CSNK1G1: variants seen among roughly 807,000 people sequenced by gnomAD.
The protein encoded by CSNK1G1 is casein kinase I isoform gamma-1.
CSNK1G1 carries 22 observed loss-of-function variants against 59.6 expected under a neutral mutation model. The ratio of observed to expected loss-of-function variants is 0.37; its 90% CI spans 0.26 to 0.53. The LOEUF (loss-of-function observed/expected upper bound fraction) is 0.53. Among genes scored for constraint, CSNK1G1 ranks in the 20% least tolerant of loss-of-function variants. The pLI is 0.89. For missense variants in CSNK1G1, 384 were observed against 519.5 expected (o/e 0.74, Z 2.54); for synonymous variants, 179 against 177.1 (o/e 1.01, Z -0.08).
At chr15:64,203,785 C>T (rs1207349013) in intron 9 of CSNK1G1, among the ~76,000 whole-genome samples, 1 of 151,586 alleles carries the variant, frequency 6.6e-6, no homozygotes, top group African/African-American at 2.4e-5. Context: ...TCAAAAGCTT[C>T]CTATGATGCT....
intron 6 of CSNK1G1, among the ~76,000 whole-genome samples, chr15:64,211,162 C>T (rs1355804487): frequency 6.6e-6 from 1 of 152,198 alleles, no homozygotes; most frequent in East Asian, 1.9e-4. Context: ...AGTGTGGCTA[C>T]TCTGATGTGG....
At chr15:64,246,426 A>T (rs1341907818) in intron 4 of CSNK1G1, among the ~76,000 whole-genome samples, 1 of 152,150 alleles carries the variant, frequency 6.6e-6, no homozygotes, top group Non-Finnish European at 1.5e-5. Flanking sequence ...GTTCAAGACC[A>T]GCCTGGTCAA....
At chr15:64,313,963 C>T (rs1047246718) in intron 1 of CSNK1G1, among the ~76,000 whole-genome samples, 1 of 151,858 alleles carries the variant, frequency 6.6e-6, no homozygotes, top group African/African-American at 2.4e-5. Context: ...GTGAACTTGA[C>T]ATATACAGCT....
At chr15:64,337,501 T>C (rs923939021) in intron 1 of CSNK1G1, among the ~76,000 whole-genome samples, 3 of 152,052 alleles carry the variant, frequency 2.0e-5, no homozygotes, top group Admixed American at 1.3e-4. Flanking sequence ...GGTACCACCA[T>C]GCCTATTTTA....
intron 4 of CSNK1G1, among the ~76,000 whole-genome samples, chr15:64,224,714 G>T (rs2082433883): frequency 6.6e-6 from 1 of 152,132 alleles, no homozygotes; most frequent in African/African-American, 2.4e-5. Context: ...TTGTTTAAAG[G>T]CCTCCTGGGA....
At chr15:64,241,033 T>C (rs147148817) in intron 4 of CSNK1G1, among the ~76,000 whole-genome samples, 14 of 152,278 alleles carry the variant, frequency 9.2e-5, no homozygotes, top group Non-Finnish European at 1.8e-4. Context: ...AAAATAGCCT[T>C]GAATATAAAC....
At chr15:64,311,263 C>A (rs1895981736) in intron 1 of CSNK1G1, among the ~76,000 whole-genome samples, 1 of 151,428 alleles carries the variant, frequency 6.6e-6, no homozygotes. Flanking sequence ...CCAGGTTAGT[C>A]GCGAACTCCT....
chr15:64,166,237 C>A lies in CSNK1G1; in HGVS notation c.*5694G>T. 2.4e-6 allele frequency: 1 copy of A among 411,394 alleles called. No homozygotes were observed. Among genetic ancestry groups the A allele is most frequent in the Non-Finnish European group, 4.3e-6 (1 of 233,676 alleles). The allele number at this position is 411,394 out of a possible 1,614,324, so 25.5% of individuals were successfully genotyped here. A position where few individuals can be genotyped will look rare whatever the true frequency, so the allele number is the denominator to read the frequency against. On this transcript the variant is annotated 3_prime_UTR_variant, in exon 12 of 12. Transcript: ENST00000303052. This position sits in a 1 kb window ranked among gnomAD's most constrained non-coding sequence, Gnocchi z 4.5. ...TTTTAAGAGTACAATGGGCAAAGAT[C>A]AAAGACAGATAAATAATAATATAAT...
chr15:64,320,103 C>T (rs948467034), intron 1 of CSNK1G1, among the ~76,000 whole-genome samples: 9 of 151,714 alleles, frequency 5.9e-5, no homozygotes, highest in African/African-American at 2.2e-4. Context: ...GACAGAGTCT[C>T]ACCATGTTTC....
intron 10 of CSNK1G1, among the ~76,000 whole-genome samples, chr15:64,190,913 A>T (rs888278848): frequency 6.6e-6 from 1 of 152,180 alleles, no homozygotes; most frequent in African/African-American, 2.4e-5. Flanking sequence ...TTAAGCTCTT[A>T]AACTATTATA....
At chr15:64,272,292 T>C (rs1893356797) in intron 2 of CSNK1G1, among the ~76,000 whole-genome samples, 1 of 151,920 alleles carries the variant, frequency 6.6e-6, no homozygotes, top group African/African-American at 2.4e-5. Flanking sequence ...CTCGGCTCAC[T>C]GCAAGCTCTG....
chr15:64,278,200 C>G (rs994189307), intron 2 of CSNK1G1, among the ~76,000 whole-genome samples: 1 of 150,866 alleles, frequency 6.6e-6, no homozygotes, highest in African/African-American at 2.4e-5. Flanking sequence ...GTGCCCACCA[C>G]CACTCTTGGC....
chr15:64,239,295 A>G lies in CSNK1G1; in HGVS notation c.292+12217T>C, dbSNP rs1234394984. ...CATAACTCTTTAGTAATAGACCCCA[A>G]TGAAAAGAAATTTTAAAACTGCTGG... On this transcript the variant is annotated intron_variant, in intron 4 of 11. Transcript: ENST00000303052. Among the ~76,000 whole-genome samples, 3 of 152,196 alleles carry G rather than the reference A, an allele frequency of 2.0e-5. No individual in the cohort carries two copies. The South Asian group carries it at 6.2e-4, about 32-fold the overall frequency.
intron 2 of CSNK1G1, among the ~76,000 whole-genome samples, chr15:64,266,835 A>G (rs72756971): frequency 1.3e-5 from 2 of 152,210 alleles, no homozygotes; most frequent in African/African-American, 4.8e-5. Flanking sequence ...GTAGACCCTT[A>G]TCTCTCACCT....
chr15:64,290,316 TATACACATACAC>T (rs1201080874), intron 2 of CSNK1G1, among the ~76,000 whole-genome samples: 2 of 151,442 alleles, frequency 1.3e-5, no homozygotes, highest in Non-Finnish European at 2.9e-5. Flanking sequence ...TATATATATA[TATACACATACAC>T]ATACACACAC....
chr15:64,194,517 C>CT (rs374224209), intron 10 of CSNK1G1, among the ~76,000 whole-genome samples: 14,057 of 128,248 alleles, frequency 0.11, 1,332 homozygotes, highest in South Asian at 0.35. Flanking sequence ...CTTTTCTTTT[C>CT]TTTTTTTTTT....
intron 4 of CSNK1G1, among the ~76,000 whole-genome samples, chr15:64,238,494 T>TAAAAAAA (rs1169739046): frequency 5.3e-5 from 3 of 56,434 alleles, no homozygotes; most frequent in Non-Finnish European, 8.4e-5. Flanking sequence ...CCCTGTCCCT[T>TAAAAAAA]AAAAAAAAAA....
rs560919407 is a variant in CSNK1G1, at chr15:64,352,668, C to T, written c.-225+3320G>A. On this transcript the variant is annotated intron_variant, in intron 1 of 11. Coordinates refer to ENST00000303052, the MANE Select transcript of CSNK1G1 (RefSeq NM_022048.5). ...CCATGTTGCTCAGGCTGGTCTCAAA[C>T]TCCTGACCTCAGGTGATCCGCCCAC... 2.4e-3 allele frequency among the ~76,000 whole-genome samples: 358 copies of T among 151,070 alleles called. 1 individual carries two copies. In the Middle Eastern group the frequency reaches 0.028, roughly 12 times the overall value.
intron 10 of CSNK1G1, among the ~76,000 whole-genome samples, chr15:64,186,365 C>T (rs984160861): frequency 3.9e-5 from 6 of 152,284 alleles, no homozygotes; most frequent in Non-Finnish European, 8.8e-5. Flanking sequence ...CTCACCTCGG[C>T]CTCCCAAAGT....
Sources: gnomAD v4.1 joint callset for allele counts (sites outside exome capture counted in the v4.1 genomes callset) on GRCh38, gnomAD v4.1.1 for gene constraint, Gnocchi (gnomAD v3.1) non-coding constraint, MANE v1.5 for transcripts, NCBI Gene and HGNC (gene_info 2026-07-23, HGNC 2026-07-21) for gene names.